The following PCBP4 variants were observed in gnomAD, a reference collection of about 807,000 sequenced individuals.
The protein encoded by PCBP4 is poly(rC)-binding protein 4.
A neutral mutation model predicts 46.2 loss-of-function variants in PCBP4; 24 were observed. The ratio of observed to expected loss-of-function variants is 0.52; its 90% CI spans 0.38 to 0.73. PCBP4 has a LOEUF of 0.73. Among genes scored for constraint, PCBP4 ranks in the 30% least tolerant of loss-of-function variants. The probability of loss-of-function intolerance (pLI) is 0.00; values close to 1 mark genes in which losing one functional copy is unlikely to be tolerated. For missense variants in PCBP4, 407 were observed against 537.0 expected (o/e 0.76, Z 2.39); for synonymous variants, 203 against 224.4 (o/e 0.90, Z 0.85).
intron 1 of PCBP4, among the ~76,000 whole-genome samples, chr3:51,966,236 G>A (rs1014811715): frequency 4.6e-5 from 7 of 152,184 alleles, no homozygotes; most frequent in African/African-American, 1.4e-4. Context: ...GCCTGGGCCT[G>A]CCAGGGTGTG....
chr3:51,960,248 C>T lies in PCBP4; in HGVS notation c.328G>A (p.Ala110Thr), dbSNP rs892271072. ...PPVTLRLVIP[A>T]SQCGSLIGKA... ...CCAATCAGTGAGCCACACTGACTGG[C>T]AGGGATGACAAGGCGCAGGGTCACT... The change falls in exon 7 of 14, where the codon GCC (alanine) becomes ACC (threonine). Residue 110 changes from alanine to threonine, a missense_variant. By Grantham distance (58) the Ala-to-Thr change is moderately conservative. Transcript: ENST00000461554. The surrounding 1 kb of genome is among the most constrained non-coding windows in gnomAD (Gnocchi z 5.0). 1.9e-6 allele frequency: 3 copies of T among 1,614,110 alleles called. No individual in the cohort carries two copies. The highest frequency in any genetic ancestry group is 1.1e-5 in the South Asian group (1 of 91,086).
rs527765633 is a variant in PCBP4 at position 51,960,501 on chromosome 3, C to A, written c.255+25G>T. ...GTTCCTCCTGGGGAACCACTCTTGG[C>A]GTCCTGCCCTGGCCAGCCACGGACC... On this transcript the variant is annotated intron_variant, in intron 6 of 13. Transcript: ENST00000461554. This position sits in a 1 kb window ranked among gnomAD's most constrained non-coding sequence, Gnocchi z 5.0. 23 of 1,588,106 alleles carry A rather than the reference C, an allele frequency of 1.4e-5. No individual in the cohort carries two copies. In the Admixed American group the frequency reaches 2.5e-4, roughly 17 times the overall value.
In PCBP4 at chr3:51,959,612, G is replaced by A. The variant is rs1700040528; in HGVS notation, c.556C>T (p.Leu186Phe). 1 of 1,552,416 alleles carries A rather than the reference G, an allele frequency of 6.4e-7. No homozygotes were observed. The highest frequency in any genetic ancestry group is 1.2e-5 in the South Asian group (1 of 84,120). Residue 186 changes from leucine (L) to phenylalanine (F), a missense_variant, in exon 9 of 14, where the codon CTC (leucine) becomes TTC (phenylalanine). Coordinates refer to ENST00000461554, the MANE Select transcript of PCBP4 (RefSeq NM_001174100.2). This position sits in a 1 kb window ranked among gnomAD's most constrained non-coding sequence, Gnocchi z 5.6. ...KGATIPYHPS[L>F]SLGTVLLSAN... ...GAGAGAAGAACAGTACCTAGGGAGA[G>A]GCTCGGATGGTAGGGGATAGTGGCT...
In PCBP4 at chr3:51,958,319, C is replaced by T; in HGVS notation, c.954G>A (p.Gly318=). 3 of 1,524,566 alleles carry T rather than the reference C, an allele frequency of 2.0e-6. No homozygotes were observed. In the South Asian group the frequency reaches 3.9e-5, roughly 20 times the overall value. 94.4% of individuals were successfully genotyped at this position (1,524,566 alleles called of 1,614,324 possible). A position where few individuals can be genotyped will look rare whatever the true frequency, so the allele number is the denominator to read the frequency against. Residue 318 remains glycine (G), a synonymous_variant, in exon 14 of 14, where the codon GGG becomes GGA. Coordinates refer to ENST00000461554, the MANE Select transcript of PCBP4 (RefSeq NM_001174100.2). The surrounding 1 kb of genome is among the most constrained non-coding windows in gnomAD (Gnocchi z 5.4). ...GGTCTGCGGGGGCCGAGCTGGGCGT[C>T]CCCCCAGAGGTAGACTTGGCCGTCT... ...CLETAKSTSG[G]TPSSAPADLP... is the part of the protein sequence containing the mutation.
In PCBP4 at chr3:51,961,290, G is replaced by A. The variant is rs1002369773; in HGVS notation, c.-50C>T. The A allele has an allele frequency of 3.8e-6, 6 of 1,587,180 alleles. No individual in the cohort carries two copies. In the African/African-American group the frequency reaches 5.4e-5, roughly 14 times the overall value. ...AGCGACCTGCGAGTGTGTCCGCGCT[G>A]CAACCTGGCCGGCTCTGGCAGGGGC... is the stretch of plus-strand genomic sequence containing the variant. On this transcript the variant is annotated 5_prime_UTR_variant, in exon 3 of 14. Coordinates refer to ENST00000461554, the MANE Select transcript of PCBP4 (RefSeq NM_001174100.2).
chr3:51,961,798 A>G, intron 2 of PCBP4, 143 bp downstream of exon 2: 1 of 986,112 alleles, frequency 1.0e-6, no homozygotes, highest in Non-Finnish European at 1.2e-6. Flanking sequence ...GATGGAGCAC[A>G]GAAGAGCAGC....
In PCBP4 at chr3:51,961,031, T is replaced by C. The variant is rs1302450609; in HGVS notation, c.84A>G (p.Glu28=). The C allele has an allele frequency of 1.2e-6, 2 of 1,614,208 alleles. No homozygotes were observed. Among genetic ancestry groups the C allele is most frequent in the Admixed American group, 1.7e-5 (1 of 60,020 alleles). The change falls in exon 4 of 14, where the codon GAA becomes GAG. Residue 28 remains glutamate, a splice_region_variant and synonymous_variant. Coordinates refer to ENST00000461554, the MANE Select transcript of PCBP4 (RefSeq NM_001174100.2). ...CTACCTTCCCGATGATGCTGCCCAC[T>C]TCCTGCGGACAAGACAAGAGCCGTC... The part of the protein sequence containing the change: ...LTLRMLMHGK[E]VGSIIGKKGE...
chr3:51,960,968 C>G lies in PCBP4; in HGVS notation c.105+42G>C, dbSNP rs767513248. The G allele has an allele frequency of 3.7e-6, 6 of 1,614,222 alleles. No individual in the cohort carries two copies. In the South Asian group the frequency reaches 5.5e-5, roughly 15 times the overall value. The stretch of plus-strand genomic sequence containing the variant: ...ACAGCCTCCTTCCCTGGGCTGAAGC[C>G]TCAGCTGGAGGGGGATGTACAGAGC... On this transcript the variant is annotated intron_variant, in intron 4 of 13. Coordinates refer to ENST00000461554, the MANE Select transcript of PCBP4 (RefSeq NM_001174100.2). The surrounding 1 kb of genome is among the most constrained non-coding windows in gnomAD (Gnocchi z 5.0).
chr3:51,964,639 G>A (rs1246642275), intron 1 of PCBP4, among the ~76,000 whole-genome samples: 3 of 152,208 alleles, frequency 2.0e-5, no homozygotes, highest in Admixed American at 6.5e-5. Context: ...ATCCAGGGAG[G>A]CAGGGTGTGG....
Position 51,959,872 on chromosome 3 carries a change from C to A in PCBP4, c.516+23G>T. 1 of 1,566,474 alleles carries A rather than the reference C, an allele frequency of 6.4e-7. No homozygotes were observed. The highest frequency in any genetic ancestry group is 8.6e-7 in the Non-Finnish European group (1 of 1,156,096). ...ACCCAGGGCCCATCTCCTGCCCCCT[C>A]TCTCCCTGCCCCAGGGCAGCACCTC... On this transcript the variant is annotated intron_variant, in intron 8 of 13. Coordinates refer to ENST00000461554, the MANE Select transcript of PCBP4 (RefSeq NM_001174100.2). The surrounding 1 kb of genome is among the most constrained non-coding windows in gnomAD (Gnocchi z 5.6).
Position 51,958,752 on chromosome 3 carries a change from G to A in PCBP4, c.923+38C>T, listed in dbSNP as rs762925168. The A allele has an allele frequency of 1.1e-5, 18 of 1,591,032 alleles. No homozygotes were observed. Among genetic ancestry groups the A allele is most frequent in the Admixed American group, 1.0e-4 (6 of 59,448 alleles). The stretch of plus-strand genomic sequence containing the variant: ...TGCCTTTCTTGGGCACATGAGAACC[G>A]TGACCTGCTCCCCCACTGCCGCCCA... On this transcript the variant is annotated intron_variant, in intron 13 of 13. Coordinates refer to ENST00000461554, the MANE Select transcript of PCBP4 (RefSeq NM_001174100.2). This position sits in a 1 kb window ranked among gnomAD's most constrained non-coding sequence, Gnocchi z 5.4.
Position 51,967,415 on chromosome 3 carries a change from A to G in PCBP4, c.-302T>C, listed in dbSNP as rs1279019930. On this transcript the variant is annotated 5_prime_UTR_variant, in exon 1 of 14. Transcript: ENST00000461554. ...TTGTCCCCGGGAGAGGCGGCCGCTC[A>G]CAACTGCGAGTGACATCAGCTGCGA... The G allele has an allele frequency of 6.7e-6, 1 of 149,248 alleles. No individual in the cohort carries two copies. The highest frequency in any genetic ancestry group is 1.5e-5 in the Non-Finnish European group (1 of 67,272). The allele number at this position is 149,248 out of a possible 1,614,324, so 9.2% of individuals were successfully genotyped here. A position where few individuals can be genotyped will look rare whatever the true frequency, so the allele number is the denominator to read the frequency against.
At position 51,958,323 on chromosome 3, in the gene PCBP4, C is replaced by G. The variant is rs758361864; in HGVS notation, c.950G>C (p.Gly317Ala). The G allele has an allele frequency of 5.3e-6, 8 of 1,518,914 alleles. No homozygotes were observed. In the East Asian group the frequency reaches 7.0e-5, roughly 13 times the overall value. 94.1% of individuals were successfully genotyped at this position (1,518,914 alleles called of 1,614,324 possible). A position where few individuals can be genotyped will look rare whatever the true frequency, so the allele number is the denominator to read the frequency against. Residue 317 changes from glycine to alanine, a missense_variant, in exon 14 of 14, where the codon GGG (glycine) becomes GCG (alanine). Transcript: ENST00000461554. The surrounding 1 kb of genome is among the most constrained non-coding windows in gnomAD (Gnocchi z 5.4). ...ACLETAKSTSGGTPSSAPADL... is the reference protein window; with the variant it reads ...ACLETAKSTSAGTPSSAPADL... The stretch of plus-strand genomic sequence containing the variant: ...TGCGGGGGCCGAGCTGGGCGTCCCC[C>G]CAGAGGTAGACTTGGCCGTCTCTAG...
intron 2 of PCBP4, 62 bp from the exon 3 acceptor site, chr3:51,961,366 C>T: frequency 6.8e-7 from 1 of 1,464,088 alleles, no homozygotes; most frequent in South Asian, 1.4e-5. Context: ...CCTGCCCTTA[C>T]ATGGGGACCC....
At chr3:51,964,771 A>T (rs757119509) in intron 1 of PCBP4, among the ~76,000 whole-genome samples, 10 of 152,230 alleles carry the variant, frequency 6.6e-5, no homozygotes, top group Non-Finnish European at 1.5e-4. Flanking sequence ...CTGCCCCAGC[A>T]TCTTGGACAC....
intron 1 of PCBP4, among the ~76,000 whole-genome samples, 172 bp downstream of exon 1, chr3:51,967,154 C>T (rs544512699): frequency 6.6e-6 from 1 of 152,068 alleles, no homozygotes; most frequent in South Asian, 2.1e-4. Flanking sequence ...GCGCCTCTGG[C>T]AGACCAGCGC....
chr3:51,958,411 G>T lies in PCBP4; in HGVS notation c.924-62C>A. Reference sequence around the variant, plus strand: ...AGTGGGAGTGAGAGAGGGGCAATGAGGGCAGAGATGGGCATGAGATTAGAT... The same window carrying T: ...AGTGGGAGTGAGAGAGGGGCAATGATGGCAGAGATGGGCATGAGATTAGAT... On this transcript the variant is annotated intron_variant, in intron 13 of 13. Coordinates refer to ENST00000461554, the MANE Select transcript of PCBP4 (RefSeq NM_001174100.2). The surrounding 1 kb of genome is among the most constrained non-coding windows in gnomAD (Gnocchi z 5.4). 1.8e-6 allele frequency: 2 copies of T among 1,099,598 alleles called. No individual in the cohort carries two copies. Among genetic ancestry groups the T allele is most frequent in the Non-Finnish European group, 2.5e-6 (2 of 795,496 alleles). The allele number at this position is 1,099,598 out of a possible 1,614,324, so 68.1% of individuals were successfully genotyped here.
chr3:51,959,402 C>T lies in PCBP4; in HGVS notation c.601G>A (p.Val201Ile), dbSNP rs77848525. 2 of 1,608,444 alleles carry T rather than the reference C, an allele frequency of 1.2e-6. No homozygotes were observed. The highest frequency in any genetic ancestry group is 2.2e-5 in the East Asian group (1 of 44,768). Residue 201 changes from valine (V) to isoleucine (I), a missense_variant, in exon 10 of 14, where the codon GTC becomes ATC. By Grantham distance (29) the Val-to-Ile change is conservative. Coordinates refer to ENST00000461554, the MANE Select transcript of PCBP4 (RefSeq NM_001174100.2). This position sits in a 1 kb window ranked among gnomAD's most constrained non-coding sequence, Gnocchi z 5.6. ...GTCACAGCCCCATACTGACCCTGGA[C>T]AGAGAAGCCCTGTGGGGACAAAGTG... ...VLLSANQGFS[V>I]QGQYGAVTPA...
At position 51,960,353 on chromosome 3, in the gene PCBP4, C is replaced by T. The variant is rs1319372753; in HGVS notation, c.256-33G>A. 1.9e-6 allele frequency: 3 copies of T among 1,606,182 alleles called. No homozygotes were observed. Among genetic ancestry groups the T allele is most frequent in the African/African-American group, 2.7e-5 (2 of 74,950 alleles). The stretch of plus-strand genomic sequence containing the variant: ...AGGGAGACGGTGGGTTGGCCATGCT[C>T]GTCCCTGCTATATCTGCCCAGGGGT... On this transcript the variant is annotated intron_variant, in intron 6 of 13. Transcript: ENST00000461554. The surrounding 1 kb of genome is among the most constrained non-coding windows in gnomAD (Gnocchi z 5.0).
Sources: allele counts gnomAD v4.1 joint callset (sites outside exome capture counted in the v4.1 genomes callset), GRCh38; gene constraint gnomAD v4.1.1; non-coding constraint Gnocchi (gnomAD v3.1); transcripts MANE v1.5; gene names NCBI Gene and HGNC (gene_info 2026-07-23, HGNC 2026-07-21).